The following SIRT1 variants were observed in gnomAD, a reference collection of about 807,000 sequenced individuals.
SIRT1 encodes the protein NAD-dependent protein deacetylase sirtuin-1.
Under a neutral mutation model 67.9 loss-of-function variants are expected in SIRT1, and 24 were observed. That is an observed-to-expected ratio of 0.35 (90% confidence interval 0.26 to 0.50). The LOEUF (loss-of-function observed/expected upper bound fraction) is 0.50, where lower values mean the gene tolerates loss of function less well. Ranked by LOEUF, SIRT1 falls within the 20% of genes least tolerant of loss-of-function variation. The pLI is 0.98. For missense variants in SIRT1, 873 were observed against 937.2 expected, an observed-to-expected ratio of 0.93 and a Z score of 0.89; for synonymous variants, 378 against 350.7, an observed-to-expected ratio of 1.08 and a Z score of -0.87.
intron 7 of SIRT1, among the ~76,000 whole-genome samples, chr10:67,911,767 C>T (rs905888932): frequency 3.4e-5 from 5 of 147,432 alleles, no homozygotes; most frequent in Admixed American, 1.4e-4. Context: ...GTCCGTCCTT[C>T]CTTCCTCCCA....
At chr10:67,897,448 A>G (rs766476661) in intron 4 of SIRT1, among the ~76,000 whole-genome samples, 45 of 151,774 alleles carry the variant, frequency 3.0e-4, no homozygotes, top group Non-Finnish European at 5.3e-4. Flanking sequence ...GCTCACTGCA[A>G]CCTCTGCTTC....
Position 67,916,942 on chromosome 10 carries a change from G to C in SIRT1, c.*349G>C, listed in dbSNP as rs1275907981. 1 of 159,388 alleles carries C rather than the reference G, an allele frequency of 6.3e-6. No individual in the cohort carries two copies. Among genetic ancestry groups the C allele is most frequent in the African/African-American group, 2.4e-5 (1 of 41,672 alleles). 9.9% of individuals were successfully genotyped at this position (159,388 alleles called of 1,614,324 possible). A position where few individuals can be genotyped will look rare whatever the true frequency, so the allele number is the denominator to read the frequency against. On this transcript the variant is annotated 3_prime_UTR_variant, in exon 9 of 9. Coordinates refer to ENST00000212015, the MANE Select transcript of SIRT1 (RefSeq NM_012238.5). ...TCTAGTGAGTTTCAACATTTTTAAA[G>C]TTTTCAAAAAGCCATCGGAATGTTA...
Position 67,916,686 on chromosome 10 carries a change from A to AGG in SIRT1, c.*94_*95dup, listed in dbSNP as rs984036138. 1 of 992,836 alleles carries AGG rather than the reference A, an allele frequency of 1.0e-6. No individual in the cohort carries two copies. Among genetic ancestry groups the AGG allele is most frequent in the Admixed American group, 2.8e-5 (1 of 36,340 alleles). 61.5% of individuals were successfully genotyped at this position (992,836 alleles called of 1,614,324 possible). On this transcript the variant is annotated 3_prime_UTR_variant, in exon 9 of 9. Transcript: ENST00000212015. ...GTTTACTTGTGAACTCGATAGAGCA[A>AGG]GGAAACCAGAAAGGTGTAATATTTA... is the stretch of plus-strand genomic sequence containing the variant.
chr10:67,902,028 C>A (rs1466464746), intron 4 of SIRT1, among the ~76,000 whole-genome samples: 1 of 152,120 alleles, frequency 6.6e-6, no homozygotes, highest in Non-Finnish European at 1.5e-5. Context: ...TCGCTCTTGT[C>A]CCCAGGCTGG....
rs1173732078 is a variant in SIRT1 at position 67,887,447 on chromosome 10, C to G, written c.461C>G (p.Thr154Ser). 3 of 1,613,566 alleles carry G rather than the reference C, an allele frequency of 1.9e-6. No homozygotes were observed. Among genetic ancestry groups the G allele is most frequent in the Non-Finnish European group, 2.5e-6 (3 of 1,179,698 alleles). Residue 154 changes from threonine to serine, a missense_variant, in exon 2 of 9, where the codon ACT becomes AGT. By Grantham distance (58) the Thr-to-Ser change is moderately conservative (BLOSUM62 1). This residue lies in a region of SIRT1 where 327 missense variants were observed against 283.9 expected (regional missense o/e 1.15). Coordinates refer to ENST00000212015, the MANE Select transcript of SIRT1 (RefSeq NM_012238.5). ...CTTCTGTTCGGTGATGAAATTATCA[C>G]TAATGGTTTTCATTCCTGTGAAAGT... ...DNLLFGDEIITNGFHSCESDE... is the reference protein window; with the variant it reads ...DNLLFGDEIISNGFHSCESDE...
intron 6 of SIRT1, 111 bp from the exon 7 acceptor site, chr10:67,909,142 GTTT>G (rs542651682): frequency 3.2e-6 from 2 of 629,186 alleles, no homozygotes; most frequent in Non-Finnish European, 5.1e-6. Flanking sequence ...TTTCTGTTTT[GTTT>G]TTTTTTTAAT....
intron 4 of SIRT1, among the ~76,000 whole-genome samples, chr10:67,892,860 C>G (rs1417905875): frequency 2.6e-5 from 4 of 152,170 alleles, no homozygotes; most frequent in Non-Finnish European, 4.4e-5. Context: ...CCTCGGCCTC[C>G]CAAGGCTCTG....
chr10:67,890,361 GT>G (rs371515121), intron 3 of SIRT1, among the ~76,000 whole-genome samples: 1 of 151,804 alleles, frequency 6.6e-6, no homozygotes, highest in East Asian at 1.9e-4. Context: ...GCTATACATT[GT>G]TTTTTTTAAT....
At position 67,910,412 on chromosome 10, in the gene SIRT1, C is replaced by G. The variant is rs139117647; in HGVS notation, c.1357+970C>G. Among the ~76,000 whole-genome samples the G allele has an allele frequency of 9.9e-4, 151 of 152,214 alleles. 1 individual carries two copies. The highest frequency in any genetic ancestry group is 3.5e-3 in the African/African-American group (145 of 41,530). On this transcript the variant is annotated intron_variant, in intron 7 of 8. Coordinates refer to ENST00000212015, the MANE Select transcript of SIRT1 (RefSeq NM_012238.5). ...ACAAACCCAGAAGTAATGCTAAACT[C>G]TACTTCTAATTTATGTGAAAAATTA...
intron 4 of SIRT1, among the ~76,000 whole-genome samples, chr10:67,903,227 AG>A (rs1203126916): frequency 9.2e-5 from 14 of 152,158 alleles, no homozygotes; most frequent in African/African-American, 3.4e-4. Context: ...CCCCAGTAGC[AG>A]GAACTACAGG....
chr10:67,896,652 G>A (rs1445239162), intron 4 of SIRT1, among the ~76,000 whole-genome samples: 1 of 150,676 alleles, frequency 6.6e-6, no homozygotes, highest in Non-Finnish European at 1.5e-5. Flanking sequence ...AAAATTAGCC[G>A]GGTGTGGTGA....
chr10:67,906,189 G>A, intron 4 of SIRT1: 2 of 1,427,100 alleles, frequency 1.4e-6, no homozygotes, highest in South Asian at 1.7e-5. Context: ...GCATTATTTG[G>A]GGGGAAAAAC....
chr10:67,903,602 T>C (rs1383084694), intron 4 of SIRT1, among the ~76,000 whole-genome samples: 5 of 152,132 alleles, frequency 3.3e-5, no homozygotes, highest in Non-Finnish European at 5.9e-5. Context: ...TTAGCCAGGA[T>C]GGTCTCGATC....
intron 8 of SIRT1, among the ~76,000 whole-genome samples, chr10:67,914,697 C>T (rs867180314): frequency 6.6e-6 from 1 of 151,888 alleles, no homozygotes; most frequent in Non-Finnish European, 1.5e-5. Context: ...CTGGAACAGT[C>T]ATTTTTTTTT....
chr10:67,897,352 A>C (rs1472364919), intron 4 of SIRT1, among the ~76,000 whole-genome samples: 1 of 140,920 alleles, frequency 7.1e-6, no homozygotes, highest in African/African-American at 2.7e-5. Flanking sequence ...CGATGGTGTG[A>C]TCTCGGCTCA....
rs753268782 is a variant in SIRT1, at chr10:67,887,421, CCTT to C, written c.438_440del (p.Leu147del). ...CTGACTTGGTTTCTTTTGCAGATAA[CCTT>C]CTGTTCGGTGATGAAATTATCACTA... is the stretch of plus-strand genomic sequence containing the variant. On this transcript the variant is annotated inframe_deletion, in exon 2 of 9. Transcript: ENST00000212015. 2.8e-5 allele frequency: 45 copies of C among 1,610,012 alleles called. No individual in the cohort carries two copies. Among genetic ancestry groups the C allele is most frequent in the East Asian group, 2.5e-4 (11 of 44,822 alleles).
intron 8 of SIRT1, among the ~76,000 whole-genome samples, chr10:67,916,060 C>T (rs1021636220): frequency 6.6e-6 from 1 of 152,158 alleles, no homozygotes; most frequent in Admixed American, 6.5e-5. Flanking sequence ...AACTCCTGGG[C>T]TCAAGCAGTC....
chr10:67,896,270 C>T (rs1168912942), intron 4 of SIRT1, among the ~76,000 whole-genome samples: 2 of 152,122 alleles, frequency 1.3e-5, no homozygotes, highest in Non-Finnish European at 2.9e-5. Context: ...GTAGCTGAGA[C>T]CATAGGCACG....
intron 3 of SIRT1, among the ~76,000 whole-genome samples, chr10:67,891,049 A>C (rs1309517938): frequency 1.3e-5 from 2 of 149,700 alleles, no homozygotes; most frequent in African/African-American, 4.8e-5. Flanking sequence ...AAAAACAAAA[A>C]AAAAAAGAAA....
Sources: gnomAD v4.1 joint callset for allele counts (sites outside exome capture counted in the v4.1 genomes callset) on GRCh38, gnomAD v4.1.1 for gene constraint, gnomAD v4.1.1 regional missense constraint, MANE v1.5 for transcripts, NCBI Gene and HGNC (gene_info 2026-07-23, HGNC 2026-07-21) for gene names.